TBC1D31: variants seen among roughly 807,000 people sequenced by gnomAD.
TBC1D31 encodes WD repeat domain 67.
TBC1D31 carries 99 observed loss-of-function variants against 132.9 expected under a neutral mutation model. That is an observed-to-expected ratio of 0.74 (90% CI 0.63 to 0.88). The LOEUF is 0.88. Among genes scored for constraint, TBC1D31 ranks in the 40% least tolerant of loss-of-function variants. The probability of loss-of-function intolerance (pLI) is 0.00; values close to 1 mark genes in which losing one functional copy is unlikely to be tolerated. For missense variants in TBC1D31, 1,134 were observed against 1,256.6 expected, an observed-to-expected ratio of 0.90 and a Z score of 1.48; for synonymous variants, 385 against 419.4, an observed-to-expected ratio of 0.92 and a Z score of 1.00.
intron 1 of TBC1D31, among the ~76,000 whole-genome samples, chr8:123,076,191 C>T (rs1299553891): frequency 6.6e-6 from 1 of 152,126 alleles, no homozygotes; most frequent in Non-Finnish European, 1.5e-5. Context: ...CCTTGACCTC[C>T]CCAGGCTCTA....
chr8:123,099,962 C>A (rs1817219945), intron 6 of TBC1D31, among the ~76,000 whole-genome samples: 1 of 152,096 alleles, frequency 6.6e-6, no homozygotes, highest in Admixed American at 6.5e-5. Context: ...TTATACCAAA[C>A]CCACTCCCAC....
chr8:123,074,269 C>T (rs1586527463), intron 1 of TBC1D31, among the ~76,000 whole-genome samples: 1 of 152,082 alleles, frequency 6.6e-6, no homozygotes, highest in Admixed American at 6.5e-5. Flanking sequence ...ATCCACCCAC[C>T]TTGGCCTCCC....
At chr8:123,155,987 A>G (rs1372656263), downstream of TBC1D31, among the ~76,000 whole-genome samples, 2 of 152,196 alleles carry the variant, frequency 1.3e-5, no homozygotes, top group African/African-American at 4.8e-5. The surrounding 1 kb of genome is among the most constrained non-coding windows in gnomAD (Gnocchi z 4.1). Flanking sequence ...GAGTACCTGA[A>G]TATATCATTG....
At chr8:123,106,471 A>G (rs1817928591) in intron 8 of TBC1D31, among the ~76,000 whole-genome samples, 2 of 152,220 alleles carry the variant, frequency 1.3e-5, no homozygotes, top group Admixed American at 1.3e-4. Context: ...ATTATTAGTT[A>G]TGATAATCTA....
intron 4 of TBC1D31, among the ~76,000 whole-genome samples, chr8:123,090,128 T>C (rs571945461): frequency 1.3e-3 from 201 of 152,362 alleles, no homozygotes; most frequent in African/African-American, 4.7e-3. Flanking sequence ...ACCCGTTATT[T>C]AGTATGTTCC....
At chr8:123,123,946 T>G (rs906758192) in intron 11 of TBC1D31, among the ~76,000 whole-genome samples, 1 of 152,210 alleles carries the variant, frequency 6.6e-6, no homozygotes, top group Non-Finnish European at 1.5e-5. Flanking sequence ...AAGCAAGTTT[T>G]TGTTAATCCA....
downstream of TBC1D31, among the ~76,000 whole-genome samples, chr8:123,153,812 A>C (rs1822921254): frequency 5.3e-5 from 8 of 152,366 alleles, no homozygotes; most frequent in South Asian, 1.7e-3. Flanking sequence ...GAGTTTGTTA[A>C]AGAAGAGCGG....
At position 123,151,042 on chromosome 8, in the gene TBC1D31, A is replaced by C. The variant is rs1400474103; in HGVS notation, c.3068-764A>C. ...ACTCACATTTTTATATGCATCTATA[A>C]ATTCTGTGCCAGAATATGAATTAAA... On this transcript the variant is annotated intron_variant, in intron 21 of 21. Coordinates refer to ENST00000287380, the MANE Select transcript of TBC1D31 (RefSeq NM_145647.4). Among the ~76,000 whole-genome samples the C allele has an allele frequency of 5.9e-5, 9 of 152,224 alleles. No individual in the cohort carries two copies. In the South Asian group the frequency reaches 1.0e-3, roughly 18 times the overall value.
chr8:123,130,249 T>C lies in TBC1D31; in HGVS notation c.2322T>C (p.Asp774=), dbSNP rs2272724. ...AAGTAAAGGAAATGCACTTACAAGA[T>C]GCTGCAAGAAGGCGTTTTCTGAAGC... ...ELKVKEMHLQ[D]AARRRFLKLQ... is the part of the protein sequence containing the mutation. The change falls in exon 16 of 22, where the codon GAT becomes GAC. Residue 774 remains aspartate, a synonymous_variant. Coordinates refer to ENST00000287380, the MANE Select transcript of TBC1D31 (RefSeq NM_145647.4). 0.35 allele frequency: 557,378 copies of C among 1,611,696 alleles called. 98,369 individuals carry two copies. Among genetic ancestry groups the C allele is most frequent in the African/African-American group, 0.43 (32,136 of 74,878 alleles).
At position 123,084,162 on chromosome 8, in the gene TBC1D31, T is replaced by G. The variant is rs745313392; in HGVS notation, c.341T>G (p.Val114Gly). Residue 114 changes from valine to glycine, a missense_variant and splice_region_variant, in exon 4 of 22, where the codon GTC (valine) becomes GGC (glycine). Val to Gly is a moderately radical substitution (Grantham distance 109). Coordinates refer to ENST00000287380, the MANE Select transcript of TBC1D31 (RefSeq NM_145647.4). ...ADYSIKCFDT[V>G]TKELVSWMRG... Reference sequence around the variant, plus strand: ...GTAACAATTTTACTTTTTACCACAGTCACCAAGGAGCTAGTTAGCTGGATG... The same window carrying G: ...GTAACAATTTTACTTTTTACCACAGGCACCAAGGAGCTAGTTAGCTGGATG... 1 of 1,613,700 alleles carries G rather than the reference T, an allele frequency of 6.2e-7. No individual in the cohort carries two copies. Among genetic ancestry groups the G allele is most frequent in the Non-Finnish European group, 8.5e-7 (1 of 1,179,836 alleles).
chr8:123,089,755 T>C (rs1182244134), intron 4 of TBC1D31, among the ~76,000 whole-genome samples: 3 of 152,362 alleles, frequency 2.0e-5, no homozygotes, highest in South Asian at 2.1e-4. Flanking sequence ...TTAGTTACAT[T>C]ATATTAACAA....
intron 4 of TBC1D31, among the ~76,000 whole-genome samples, chr8:123,090,904 C>A (rs1277651646): frequency 6.6e-6 from 1 of 152,090 alleles, no homozygotes; most frequent in Non-Finnish European, 1.5e-5. Context: ...CACGCCACTG[C>A]ACTCCAGCTT....
Position 123,126,546 on chromosome 8 carries a change from A to T in TBC1D31, c.1743A>T (p.Glu581Asp). The T allele has an allele frequency of 6.2e-7, 1 of 1,614,096 alleles. No individual in the cohort carries two copies. Among genetic ancestry groups the T allele is most frequent in the Non-Finnish European group, 8.5e-7 (1 of 1,180,008 alleles). ...CTCTTCTTGAAACTGTGTTCTCAGA[A>T]GTGCTGACAAGAGAGGAGTGGCTGA... ...AWPLLETVFS[E>D]VLTREEWLKL... is the part of the protein sequence containing the mutation. Residue 581 changes from glutamate (E) to aspartate (D), a missense_variant, in exon 13 of 22, where the codon GAA (glutamate) becomes GAT (aspartate). Transcript: ENST00000287380.
chr8:123,084,338 A>C lies in TBC1D31; in HGVS notation c.517A>C (p.Lys173Gln). Residue 173 changes from lysine to glutamine, a missense_variant and splice_region_variant, in exon 4 of 22, where the codon AAG becomes CAG. Coordinates refer to ENST00000287380, the MANE Select transcript of TBC1D31 (RefSeq NM_145647.4). Reference protein sequence around the residue: ...LNIRQSVGIQKVFFLPLSNTI... With the variant: ...LNIRQSVGIQQVFFLPLSNTI... ...TATTCGCCAGTCTGTGGGTATACAG[A>C]AGGTCAGTGAGGGGGTACATCTTGG... is the stretch of plus-strand genomic sequence containing the variant. The C allele has an allele frequency of 1.2e-6, 2 of 1,613,930 alleles. No homozygotes were observed. The highest frequency in any genetic ancestry group is 1.7e-6 in the Non-Finnish European group (2 of 1,179,846).
At chr8:123,159,616 A>C in the TBC1D31 span, among the ~76,000 whole-genome samples, 1 of 152,178 alleles carries the variant, frequency 6.6e-6, no homozygotes, top group Non-Finnish European at 1.5e-5. Context: ...ACATGGAAGA[A>C]ACCCCATCTC....
intron 7 of TBC1D31, chr8:123,102,524 T>C (rs949361226): frequency 3.2e-5 from 9 of 282,702 alleles, no homozygotes; most frequent in Non-Finnish European, 4.8e-5. Flanking sequence ...TTCTGATTTA[T>C]ATGTTCCCAA....
Position 123,126,737 on chromosome 8 carries a change from C to T in TBC1D31, c.1884+50C>T, listed in dbSNP as rs769571201. ...AGGTTCTCAAATATCAGTTATTTCT[C>T]TCTATTTTTTTTTTAATTTTTTGAG... On this transcript the variant is annotated intron_variant, in intron 13 of 21. Transcript: ENST00000287380. The T allele has an allele frequency of 4.0e-6, 6 of 1,494,670 alleles. No individual in the cohort carries two copies. In the African/African-American group the frequency reaches 8.6e-5, roughly 21 times the overall value. The allele number at this position is 1,494,670 out of a possible 1,614,324, so 92.6% of individuals were successfully genotyped here.
chr8:123,101,030 C>T (rs765897937), intron 7 of TBC1D31, 23 bp downstream of exon 7: 5 of 1,535,368 alleles, frequency 3.3e-6, no homozygotes, highest in South Asian at 1.1e-5. Context: ...AAGTAATCAA[C>T]ATCAGCTTTT....
chr8:123,158,622 T>TGGGTTTCAGTTCTCCTGTGGAGCTTTG, the TBC1D31 span, among the ~76,000 whole-genome samples: 1 of 151,994 alleles, frequency 6.6e-6, no homozygotes, highest in Non-Finnish European at 1.5e-5. Flanking sequence ...ATATTGGGGG[T>TGGGTTTCAGTTCTCCTGTGGAGCTTTG]GGAATTTTGT....
Sources: allele counts gnomAD v4.1 joint callset (sites outside exome capture counted in the v4.1 genomes callset), GRCh38; gene constraint gnomAD v4.1.1; non-coding constraint Gnocchi (gnomAD v3.1); transcripts MANE v1.5; gene names NCBI Gene and HGNC (gene_info 2026-07-23, HGNC 2026-07-21).